Variants in LDB2 observed in about 807,000 individuals in gnomAD.
LDB2 encodes the protein LIM domain-binding protein 2.
LDB2 carries 12 observed loss-of-function variants against 44.3 expected under a neutral mutation model. The ratio of observed to expected loss-of-function variants is 0.27; its 90% CI spans 0.17 to 0.44. LDB2 has a LOEUF of 0.44. Among genes scored for constraint, LDB2 ranks in the 20% least tolerant of loss-of-function variants. LDB2 has a pLI of 1.00. For synonymous variants in LDB2, 164 were observed against 174.8 expected (o/e 0.94, Z 0.49); for missense variants, 344 against 473.5 (o/e 0.73, Z 2.54).
chr4:16,840,838 A>G (rs1316276227), intron 1 of LDB2, among the ~76,000 whole-genome samples: 1 of 152,222 alleles, frequency 6.6e-6, no homozygotes, highest in East Asian at 1.9e-4. Context: ...AAGAATGATC[A>G]GAGACATCTC....
At chr4:16,827,546 G>C (rs907287671) in intron 1 of LDB2, among the ~76,000 whole-genome samples, 4 of 152,148 alleles carry the variant, frequency 2.6e-5, no homozygotes, top group African/African-American at 9.7e-5. Context: ...TTTCAATTTA[G>C]TTCATAAGAT....
In LDB2 at chr4:16,819,806, T is replaced by G. The variant is rs569973170; in HGVS notation, c.133-60546A>C. Reference sequence around the variant, plus strand: ...AAGGAGGTGAATGAATCAGTTTCCTTTTGCACTGAAATTCCATGATTCAGC... The same window carrying G: ...AAGGAGGTGAATGAATCAGTTTCCTGTTGCACTGAAATTCCATGATTCAGC... On this transcript the variant is annotated intron_variant, in intron 1 of 7. Coordinates refer to ENST00000304523, the MANE Select transcript of LDB2 (RefSeq NM_001290.5). 7.9e-5 allele frequency among the ~76,000 whole-genome samples: 12 copies of G among 152,258 alleles called. No individual in the cohort carries two copies. In the East Asian group the frequency reaches 2.1e-3, roughly 27 times the overall value.
At chr4:16,835,448 ATCAG>A in intron 1 of LDB2, among the ~76,000 whole-genome samples, 1 of 152,248 alleles carries the variant, frequency 6.6e-6, no homozygotes, top group Non-Finnish European at 1.5e-5. Context: ...TGTTTCATGC[ATCAG>A]TCATTCATTC....
chr4:16,696,267 C>G (rs1011041492), intron 2 of LDB2, among the ~76,000 whole-genome samples: 4 of 152,104 alleles, frequency 2.6e-5, no homozygotes, highest in Non-Finnish European at 5.9e-5. Flanking sequence ...GGTGGGCTGC[C>G]CTTCCAGCTG....
At chr4:16,657,786 G>T (rs919711791) in intron 2 of LDB2, among the ~76,000 whole-genome samples, 1 of 152,234 alleles carries the variant, frequency 6.6e-6, no homozygotes, top group African/African-American at 2.4e-5. Flanking sequence ...GTAGATGAAG[G>T]GGTGAATTAG....
At chr4:16,594,280 G>T (rs983651240) in intron 3 of LDB2, among the ~76,000 whole-genome samples, 1 of 152,082 alleles carries the variant, frequency 6.6e-6, no homozygotes, top group East Asian at 1.9e-4. Flanking sequence ...TTACATGTCC[G>T]TCTGATCTAC....
At position 16,634,853 on chromosome 4, in the gene LDB2, G is replaced by T. The variant is rs562003882; in HGVS notation, c.236-38978C>A. On this transcript the variant is annotated intron_variant, in intron 2 of 7. Transcript: ENST00000304523. ...AGACACATGCACACGTATGTTTATT[G>T]CAGCATTATTCACAATAGCAAAGAC... Among the ~76,000 whole-genome samples the T allele has an allele frequency of 6.2e-4, 95 of 152,252 alleles. 1 individual carries two copies. The South Asian group carries it at 0.019, about 31-fold the overall frequency.
chr4:16,874,207 T>C (rs1378247700), intron 1 of LDB2, among the ~76,000 whole-genome samples: 1 of 152,118 alleles, frequency 6.6e-6, no homozygotes, highest in African/African-American at 2.4e-5. Context: ...TGGCAATGCA[T>C]AGGCTGGAAA....
intron 5 of LDB2, among the ~76,000 whole-genome samples, chr4:16,545,449 T>C (rs1473799229): frequency 6.6e-6 from 1 of 152,210 alleles, no homozygotes; most frequent in Non-Finnish European, 1.5e-5. Context: ...TTCTAACTTT[T>C]ACCCGTGGAG....
intron 2 of LDB2, among the ~76,000 whole-genome samples, chr4:16,708,660 T>C (rs190384680): frequency 1.1e-4 from 16 of 152,310 alleles, no homozygotes; most frequent in African/African-American, 3.6e-4. Context: ...CAGGTAGACA[T>C]GATTCCTTCA....
At chr4:16,701,951 TA>T (rs1370729258) in intron 2 of LDB2, among the ~76,000 whole-genome samples, 1 of 152,344 alleles carries the variant, frequency 6.6e-6, no homozygotes, top group East Asian at 1.9e-4. Context: ...TTGTTATTGC[TA>T]TTACTTTACT....
chr4:16,620,342 C>A (rs1367429986), intron 2 of LDB2, among the ~76,000 whole-genome samples: 5 of 152,132 alleles, frequency 3.3e-5, no homozygotes, highest in Admixed American at 6.5e-5. Flanking sequence ...AAAAACCAGA[C>A]ATAAGTAAGT....
At chr4:16,621,355 G>A (rs1344231049) in intron 2 of LDB2, among the ~76,000 whole-genome samples, 1 of 152,116 alleles carries the variant, frequency 6.6e-6, no homozygotes, top group Non-Finnish European at 1.5e-5. Context: ...AGAGGGTAGA[G>A]CAAGGCATAG....
chr4:16,606,261 A>C (rs55934942), intron 2 of LDB2, among the ~76,000 whole-genome samples: 1,957 of 152,342 alleles, frequency 0.013, 19 homozygotes, highest in South Asian at 0.027. Flanking sequence ...TTTTAAATGC[A>C]GCATTGTATT....
intron 2 of LDB2, among the ~76,000 whole-genome samples, chr4:16,744,212 A>C (rs895375762): frequency 6.6e-6 from 1 of 152,228 alleles, no homozygotes; most frequent in South Asian, 2.1e-4. Flanking sequence ...GCTGGAGTGC[A>C]GTGGCTGGAT....
intron 1 of LDB2, among the ~76,000 whole-genome samples, chr4:16,838,787 A>C (rs1785353813): frequency 6.6e-6 from 1 of 152,236 alleles, no homozygotes; most frequent in Non-Finnish European, 1.5e-5. Context: ...CCTTCCATGC[A>C]CTGAGCAAAG....
chr4:16,621,196 A>G (rs1241728536), intron 2 of LDB2, among the ~76,000 whole-genome samples: 1 of 152,252 alleles, frequency 6.6e-6, no homozygotes, highest in African/African-American at 2.4e-5. Context: ...GGTCATGGCA[A>G]CTGATTCACA....
At chr4:16,594,327 T>A (rs1560577306) in intron 3 of LDB2, among the ~76,000 whole-genome samples, 1 of 152,202 alleles carries the variant, frequency 6.6e-6, no homozygotes, top group Non-Finnish European at 1.5e-5. Context: ...CAGAATGAAG[T>A]GAGACATGGG....
intron 1 of LDB2, among the ~76,000 whole-genome samples, chr4:16,806,341 G>T (rs944272669): frequency 2.0e-5 from 3 of 152,180 alleles, no homozygotes; most frequent in Non-Finnish European, 4.4e-5. Context: ...ATTTTCTTAA[G>T]AATGAAGAGT....
Sources: gnomAD v4.1 joint callset for allele counts (sites outside exome capture counted in the v4.1 genomes callset) on GRCh38, gnomAD v4.1.1 for gene constraint, MANE v1.5 for transcripts, NCBI Gene and HGNC (gene_info 2026-07-23, HGNC 2026-07-21) for gene names.